Variants in ZNF148 observed in about 807,000 individuals in gnomAD.
The protein encoded by ZNF148 is Beta-Enolase Repressor Factor-1.
ZNF148 carries 7 observed loss-of-function variants against 67.7 expected under a neutral mutation model. That is an observed-to-expected ratio of 0.10 (90% confidence interval 0.06 to 0.19). ZNF148 has a LOEUF of 0.19. Ranked by LOEUF, ZNF148 falls within the 10% of genes least tolerant of loss-of-function variation. The probability of loss-of-function intolerance (pLI) is 1.00; values close to 1 mark genes in which losing one functional copy is unlikely to be tolerated. For synonymous variants in ZNF148, 333 were observed against 330.7 expected (o/e 1.01, Z -0.08); for missense variants, 583 against 947.1 (o/e 0.62, Z 5.05).
At chr3:125,329,527 T>G (rs1364742685) in intron 2 of ZNF148, among the ~76,000 whole-genome samples, 3 of 151,680 alleles carry the variant, frequency 2.0e-5, no homozygotes, top group Non-Finnish European at 2.9e-5. Context: ...CTGGCTAATT[T>G]TTGTATTTTT....
intron 4 of ZNF148, among the ~76,000 whole-genome samples, chr3:125,288,728 CA>C (rs1560143868): frequency 6.6e-6 from 1 of 152,066 alleles, no homozygotes; most frequent in Non-Finnish European, 1.5e-5. Context: ...GACAAATTAA[CA>C]ATGAAAATCT....
intron 3 of ZNF148, among the ~76,000 whole-genome samples, chr3:125,317,662 T>TAGAGAGAGAGAGAGAGAGAGAGAG (rs1553708261): frequency 0.023 from 2,049 of 89,716 alleles, 65 homozygotes; most frequent in Non-Finnish European, 0.031. Context: ...TATATATATA[T>TAGAGAGAGAGAGAGAGAGAGAGAG]AGAGAGAGAG....
rs776710811 is a variant in ZNF148 at position 125,238,085 on chromosome 3, A to AC, written c.668-3757dup. Among the ~76,000 whole-genome samples, 116 of 151,246 alleles carry AC rather than the reference A, an allele frequency of 7.7e-4. 1 individual carries two copies. Among genetic ancestry groups the AC allele is most frequent in the Admixed American group, 1.5e-3 (22 of 15,134 alleles). On this transcript the variant is annotated intron_variant, in intron 7 of 8. Transcript: ENST00000360647. ...CCCACATACAAAAGAATGAAGTTAG[A>AC]CCCCCCCCAACCAACTCCCACACCT...
At chr3:125,269,081 A>C (rs1937607141) in intron 7 of ZNF148, among the ~76,000 whole-genome samples, 1 of 152,012 alleles carries the variant, frequency 6.6e-6, no homozygotes, top group South Asian at 2.1e-4. Context: ...TCAACGTATG[A>C]AAAAGGTCAG....
chr3:125,371,938 CCTGTAGTCCCAGCTACTCGGGAGG>C (rs1212781378), intron 1 of ZNF148, among the ~76,000 whole-genome samples: 1 of 151,654 alleles, frequency 6.6e-6, no homozygotes, highest in Non-Finnish European at 1.5e-5. Flanking sequence ...GTGGTGGGAG[CCTGTAGTCCCAGCTACTCGGGAGG>C]CTGAGGCAGG....
intron 7 of ZNF148, among the ~76,000 whole-genome samples, chr3:125,252,539 G>A (rs1936885290): frequency 6.6e-6 from 1 of 152,024 alleles, no homozygotes; most frequent in Admixed American, 6.6e-5. Context: ...CCTGCATGAG[G>A]CGGGTGGATC....
intron 1 of ZNF148, among the ~76,000 whole-genome samples, chr3:125,353,772 A>C (rs947896111): frequency 1.3e-5 from 2 of 152,132 alleles, no homozygotes; most frequent in African/African-American, 4.8e-5. Context: ...AAGTTTAAAA[A>C]AAAAAAAATT....
intron 4 of ZNF148, among the ~76,000 whole-genome samples, chr3:125,310,556 G>A (rs944092334): frequency 1.3e-5 from 2 of 151,170 alleles, no homozygotes; most frequent in East Asian, 3.9e-4. Flanking sequence ...TAGGAAAGTA[G>A]AAAAAGAAGA....
chr3:125,355,548 T>C (rs1198792407), intron 1 of ZNF148, among the ~76,000 whole-genome samples: 1 of 152,130 alleles, frequency 6.6e-6, no homozygotes, highest in Non-Finnish European at 1.5e-5. Flanking sequence ...TGTTTTGTGA[T>C]ATAGGAGGAA....
chr3:125,276,670 G>C (rs1938093625), intron 7 of ZNF148, among the ~76,000 whole-genome samples: 2 of 152,096 alleles, frequency 1.3e-5, no homozygotes, highest in African/African-American at 2.4e-5. Flanking sequence ...CCGACCTCAA[G>C]TGATCCGCCC....
chr3:125,275,941 T>A (rs1005314745), intron 7 of ZNF148, among the ~76,000 whole-genome samples: 8 of 152,206 alleles, frequency 5.3e-5, no homozygotes, highest in African/African-American at 1.9e-4. Context: ...TGTCTCTTCC[T>A]CAGGGCACAA....
rs1443895084 is a variant in ZNF148 at position 125,232,394 on chromosome 3, T to C, written c.2332A>G (p.Arg778Gly). ...TCAGGTGAAGATGTCATCCCAGCTC[T>C]ATTATCATTTACATTCACCAAGGGA... is the stretch of plus-strand genomic sequence containing the variant. ...EFPLVNVNDN[R>G]AGMTSSPDAT... Residue 778 changes from arginine (R) to glycine (G), a missense_variant, in exon 9 of 9, where the codon AGA becomes GGA. This residue lies in a region of ZNF148 where 158 missense variants were observed against 208.4 expected (regional missense o/e 0.76). Coordinates refer to ENST00000360647, the MANE Select transcript of ZNF148 (RefSeq NM_021964.3). The surrounding 1 kb of genome is among the most constrained non-coding windows in gnomAD (Gnocchi z 4.2). 1 of 1,613,026 alleles carries C rather than the reference T, an allele frequency of 6.2e-7. No individual in the cohort carries two copies. Among genetic ancestry groups the C allele is most frequent in the Non-Finnish European group, 8.5e-7 (1 of 1,179,440 alleles).
chr3:125,364,421 A>G (rs968614617), intron 1 of ZNF148, among the ~76,000 whole-genome samples: 1 of 152,204 alleles, frequency 6.6e-6, no homozygotes, highest in African/African-American at 2.4e-5. Flanking sequence ...CAGACTTCAA[A>G]AAACTTGAAA....
chr3:125,349,026 C>T (rs1181703186), intron 1 of ZNF148, among the ~76,000 whole-genome samples: 1 of 152,120 alleles, frequency 6.6e-6, no homozygotes, highest in African/African-American at 2.4e-5. Flanking sequence ...GAAATCTGGG[C>T]AGCTATATGA....
chr3:125,279,464 T>C (rs1485782226), intron 5 of ZNF148, among the ~76,000 whole-genome samples: 1 of 152,110 alleles, frequency 6.6e-6, no homozygotes, highest in African/African-American at 2.4e-5. Context: ...TAATAAAACC[T>C]TGGAAGCTGG....
At chr3:125,347,859 A>G (rs527659540) in intron 1 of ZNF148, among the ~76,000 whole-genome samples, 13 of 152,300 alleles carry the variant, frequency 8.5e-5, no homozygotes, top group African/African-American at 2.6e-4. Context: ...ACACCAAGAC[A>G]ATTCAGTAGA....
intron 3 of ZNF148, among the ~76,000 whole-genome samples, chr3:125,316,562 C>T (rs1020540094): frequency 1.3e-5 from 2 of 152,214 alleles, no homozygotes; most frequent in Non-Finnish European, 2.9e-5. Flanking sequence ...GATGACATCT[C>T]ATTGCAGTTT....
chr3:125,285,094 C>G (rs1452110628), intron 5 of ZNF148, among the ~76,000 whole-genome samples: 1 of 152,160 alleles, frequency 6.6e-6, no homozygotes, highest in Admixed American at 6.5e-5. Context: ...AGTTATACTT[C>G]TTGTGCAGAT....
intron 7 of ZNF148, among the ~76,000 whole-genome samples, chr3:125,241,508 A>T (rs995887368): frequency 1.3e-5 from 2 of 152,160 alleles, no homozygotes; most frequent in African/African-American, 2.4e-5. Context: ...TTTTACAAAG[A>T]TAGCATATTT....
Sources: allele counts gnomAD v4.1 joint callset (sites outside exome capture counted in the v4.1 genomes callset), GRCh38; gene constraint gnomAD v4.1.1; regional missense constraint gnomAD v4.1.1; non-coding constraint Gnocchi (gnomAD v3.1); transcripts MANE v1.5; gene names NCBI Gene and HGNC (gene_info 2026-07-23, HGNC 2026-07-21).